USP15: variants seen among roughly 807,000 people sequenced by gnomAD.
USP15 encodes ubiquitin carboxyl-terminal hydrolase 15.
In USP15, 18 loss-of-function variants were observed where a neutral mutation model predicts 127.1. That is an observed-to-expected ratio of 0.14 (90% CI 0.10 to 0.21). The LOEUF is 0.21. USP15 is among the 10% of genes least tolerant of loss of function. The pLI, the probability that USP15 is intolerant of heterozygous loss-of-function variation, is 1.00. For synonymous variants in USP15, 364 were observed against 393.7 expected, an observed-to-expected ratio of 0.92 and a Z score of 0.89; for missense variants, 805 against 1,159.9, an observed-to-expected ratio of 0.69 and a Z score of 4.44.
intron 8 of USP15, among the ~76,000 whole-genome samples, chr12:62,380,731 A>G (rs2066967853): frequency 6.6e-6 from 1 of 152,106 alleles, no homozygotes; most frequent in Non-Finnish European, 1.5e-5. Flanking sequence ...GTCAAATTAT[A>G]TGGATCATCA....
At chr12:62,309,937 C>T (rs1186230773) in intron 3 of USP15, among the ~76,000 whole-genome samples, 1 of 151,262 alleles carries the variant, frequency 6.6e-6, no homozygotes, top group Non-Finnish European at 1.5e-5. Context: ...TCAAGAATAA[C>T]TGTGTTAGAA....
intron 6 of USP15, among the ~76,000 whole-genome samples, chr12:62,348,754 A>G (rs2065889703): frequency 6.6e-6 from 1 of 152,082 alleles, no homozygotes; most frequent in Non-Finnish European, 1.5e-5. Flanking sequence ...TTATGCTTGG[A>G]ATTATTTTAT....
intron 6 of USP15, among the ~76,000 whole-genome samples, chr12:62,338,576 C>T (rs575158059): frequency 6.6e-6 from 1 of 152,128 alleles, no homozygotes; most frequent in African/African-American, 2.4e-5. Context: ...AATGGTATTG[C>T]CTAGGTTTTC....
At chr12:62,295,800 A>G (rs1275803553) in intron 2 of USP15, among the ~76,000 whole-genome samples, 1 of 152,244 alleles carries the variant, frequency 6.6e-6, no homozygotes, top group African/African-American at 2.4e-5. Flanking sequence ...AAGATATGGA[A>G]CAAGATAACA....
intron 1 of USP15, among the ~76,000 whole-genome samples, chr12:62,264,508 G>T (rs947940832): frequency 1.3e-5 from 2 of 152,168 alleles, no homozygotes; most frequent in Non-Finnish European, 2.9e-5. Flanking sequence ...CCTAATAACT[G>T]TAGTAGGTAA....
At chr12:62,350,969 A>G (rs17716977) in intron 7 of USP15, among the ~76,000 whole-genome samples, 12,197 of 152,080 alleles carry the variant, frequency 0.08, 599 homozygotes, top group Middle Eastern at 0.16. Flanking sequence ...GATTAGAGAT[A>G]TGTAAATTAA....
At chr12:62,265,740 T>A (rs2063176851) in intron 1 of USP15, among the ~76,000 whole-genome samples, 1 of 152,114 alleles carries the variant, frequency 6.6e-6, no homozygotes, top group South Asian at 2.1e-4. Flanking sequence ...GGAGACGGGA[T>A]CTTACTGTGT....
chr12:62,336,308 CA>C, intron 6 of USP15: 1 of 985,346 alleles, frequency 1.0e-6, no homozygotes, highest in Admixed American at 6.1e-5. Flanking sequence ...CAAATTAAAC[CA>C]AATCTTTTTA....
At chr12:62,380,471 T>C (rs2066958940) in intron 8 of USP15, among the ~76,000 whole-genome samples, 1 of 152,050 alleles carries the variant, frequency 6.6e-6, no homozygotes, top group Non-Finnish European at 1.5e-5. Flanking sequence ...CTGTCTAACT[T>C]AATACAAATG....
At chr12:62,387,331 CATT>C (rs1029095745) in intron 11 of USP15, among the ~76,000 whole-genome samples, 4 of 152,154 alleles carry the variant, frequency 2.6e-5, no homozygotes, top group African/African-American at 9.7e-5. Context: ...AAGGGACTGT[CATT>C]AATAATTATA....
chr12:62,334,588 A>G (rs2137346062), intron 6 of USP15, among the ~76,000 whole-genome samples: 1 of 152,300 alleles, frequency 6.6e-6, no homozygotes, highest in South Asian at 2.1e-4. Flanking sequence ...TAGGAGATTT[A>G]GAATTTTCTT....
At chr12:62,381,403 CAATTT>C in intron 8 of USP15, 82 bp from the exon 9 acceptor site, 1 of 1,164,398 alleles carries the variant, frequency 8.6e-7, no homozygotes, top group Non-Finnish European at 1.2e-6. Flanking sequence ...TATAGCAAAT[CAATTT>C]GTTTCTCTCT....
chr12:62,308,782 G>A (rs963201293), intron 3 of USP15, among the ~76,000 whole-genome samples: 1 of 152,198 alleles, frequency 6.6e-6, no homozygotes, highest in Admixed American at 6.6e-5. Context: ...GATAGAAATT[G>A]TTCACTGTAT....
At chr12:62,387,565 G>C (rs888953297) in intron 11 of USP15, among the ~76,000 whole-genome samples, 3 of 152,134 alleles carry the variant, frequency 2.0e-5, no homozygotes, top group African/African-American at 7.2e-5. Context: ...GTGGTCAGCA[G>C]TCATATTACA....
At chr12:62,379,343 A>G (rs1194591217) in intron 8 of USP15, among the ~76,000 whole-genome samples, 1 of 152,154 alleles carries the variant, frequency 6.6e-6, no homozygotes, top group Non-Finnish European at 1.5e-5. Flanking sequence ...ATGAGGCTAC[A>G]TAGATGAGCA....
At chr12:62,303,119 T>C (rs938903034) in intron 3 of USP15, 199 bp downstream of exon 3, 1 of 492,812 alleles carries the variant, frequency 2.0e-6, no homozygotes, top group Non-Finnish European at 3.6e-6. Flanking sequence ...AAGTATGTAT[T>C]ATTGATTAAT....
chr12:62,277,076 A>G (rs1005106337), intron 1 of USP15, among the ~76,000 whole-genome samples: 6 of 152,116 alleles, frequency 3.9e-5, no homozygotes, highest in Admixed American at 3.3e-4. Flanking sequence ...AGATGTATCT[A>G]TACATAACTT....
intron 6 of USP15, chr12:62,335,751 T>G (rs1299438151): frequency 3.0e-6 from 3 of 985,396 alleles, no homozygotes; most frequent in Non-Finnish European, 3.6e-6. Context: ...AAGGCTATAC[T>G]TAATGTTGCT....
At chr12:62,271,846 C>A (rs1230804914) in intron 1 of USP15, among the ~76,000 whole-genome samples, 1 of 151,542 alleles carries the variant, frequency 6.6e-6, no homozygotes, top group Non-Finnish European at 1.5e-5. Context: ...TAGTTTAGAT[C>A]TAAAAAGAGA....
Sources: allele counts gnomAD v4.1 joint callset (sites outside exome capture counted in the v4.1 genomes callset), GRCh38; gene constraint gnomAD v4.1.1; transcripts MANE v1.5; gene names NCBI Gene and HGNC (gene_info 2026-07-23, HGNC 2026-07-21).